The following RINT1 variants were observed in gnomAD, a reference collection of about 807,000 sequenced individuals.
The protein encoded by RINT1 is RAD50-interacting protein 1.
Under a neutral mutation model 97.7 loss-of-function variants are expected in RINT1, and 75 were observed. That is an observed-to-expected ratio of 0.77 (90% CI 0.64 to 0.93). RINT1 has a LOEUF of 0.93. RINT1 is among the 40% of genes least tolerant of loss of function. The pLI is 0.00. For synonymous variants in RINT1, 303 were observed against 326.3 expected (o/e 0.93, Z 0.77); for missense variants, 892 against 925.2 (o/e 0.96, Z 0.47).
intron 3 of RINT1, among the ~76,000 whole-genome samples, chr7:105,537,352 A>C (rs968226824): frequency 2.0e-5 from 3 of 150,984 alleles, no homozygotes; most frequent in Admixed American, 2.0e-4. Context: ...CTGGTCTTGA[A>C]CTCCTGACCG....
intron 11 of RINT1, among the ~76,000 whole-genome samples, chr7:105,562,716 G>A (rs891549176): frequency 6.6e-6 from 1 of 151,970 alleles, no homozygotes; most frequent in Non-Finnish European, 1.5e-5. Context: ...GACCAACATG[G>A]TGAAACACCA....
chr7:105,538,117 C>T (rs367762296), intron 3 of RINT1, among the ~76,000 whole-genome samples: 4 of 151,674 alleles, frequency 2.6e-5, no homozygotes, highest in Non-Finnish European at 4.4e-5. Flanking sequence ...CTCAGCCTCC[C>T]GAGTAGCTGG....
chr7:105,567,491 C>G lies in RINT1; in HGVS notation c.*180C>G, dbSNP rs780535491. 2 of 701,496 alleles carry G rather than the reference C, an allele frequency of 2.9e-6. No homozygotes were observed. The highest frequency in any genetic ancestry group is 3.0e-5 in the South Asian group (2 of 66,364). 43.5% of individuals were successfully genotyped at this position (701,496 alleles called of 1,614,324 possible). A position where few individuals can be genotyped will look rare whatever the true frequency, so the allele number is the denominator to read the frequency against. ...CCATATTTCCTTCATCCTCTTGTTCCTAAGGAAACAAAAACAGAAAACGAA... is the reference window on the plus strand; with the variant it reads ...CCATATTTCCTTCATCCTCTTGTTCGTAAGGAAACAAAAACAGAAAACGAA... On this transcript the variant is annotated 3_prime_UTR_variant, in exon 15 of 15. Coordinates refer to ENST00000257700, the MANE Select transcript of RINT1 (RefSeq NM_021930.6).
chr7:105,546,835 A>G (rs1790685868), intron 4 of RINT1, 75 bp from the exon 5 acceptor site: 23 of 1,058,328 alleles, frequency 2.2e-5, no homozygotes, highest in Non-Finnish European at 2.7e-5. Flanking sequence ...AAATCATGCC[A>G]CTGCACTCCA....
intron 11 of RINT1, among the ~76,000 whole-genome samples, chr7:105,561,247 G>A (rs571179755): frequency 2.0e-5 from 3 of 152,000 alleles, no homozygotes; most frequent in East Asian, 3.9e-4. Context: ...TTAGAACAAC[G>A]CCAGGCATGG....
intron 2 of RINT1, among the ~76,000 whole-genome samples, chr7:105,533,584 T>C (rs1463177168): frequency 6.6e-6 from 1 of 152,186 alleles, no homozygotes; most frequent in South Asian, 2.1e-4. Context: ...CAGTTGGGAA[T>C]GTGTAGCAGT....
chr7:105,553,794 C>T (rs1272683799), intron 10 of RINT1, among the ~76,000 whole-genome samples: 1 of 149,666 alleles, frequency 6.7e-6, no homozygotes, highest in African/African-American at 2.5e-5. Flanking sequence ...AATCTCGGCT[C>T]ACTGCAAGCT....
At chr7:105,543,345 TA>T (rs1241275569) in intron 4 of RINT1, among the ~76,000 whole-genome samples, 17 of 152,192 alleles carry the variant, frequency 1.1e-4, no homozygotes, top group Non-Finnish European at 2.4e-4. Flanking sequence ...ATAATTTGAA[TA>T]TTTTTCAGTG....
chr7:105,539,285 C>T (rs527742924), intron 3 of RINT1, among the ~76,000 whole-genome samples: 1 of 152,172 alleles, frequency 6.6e-6, no homozygotes, highest in Non-Finnish European at 1.5e-5. Flanking sequence ...ATCCTCTCAT[C>T]CTCTATCCCA....
intron 11 of RINT1, among the ~76,000 whole-genome samples, chr7:105,560,703 G>A (rs1047881570): frequency 1.3e-5 from 2 of 152,036 alleles, no homozygotes; most frequent in East Asian, 3.9e-4. Flanking sequence ...CCATTTCAAG[G>A]GTAGCCAAAT....
chr7:105,546,701 CTG>C (rs1308576407), intron 4 of RINT1, among the ~76,000 whole-genome samples: 1 of 152,090 alleles, frequency 6.6e-6, no homozygotes, highest in Non-Finnish European at 1.5e-5. Flanking sequence ...TGGTGAAACC[CTG>C]TCTCTACTAA....
chr7:105,550,132 A>G lies in RINT1; in HGVS notation c.1074A>G (p.Ile358Met). 1.2e-6 allele frequency: 2 copies of G among 1,613,820 alleles called. No individual in the cohort carries two copies. Among genetic ancestry groups the G allele is most frequent in the Non-Finnish European group, 1.7e-6 (2 of 1,179,748 alleles). Residue 358 changes from isoleucine to methionine, a missense_variant, in exon 8 of 15, where the codon ATA (isoleucine) becomes ATG (methionine). Transcript: ENST00000257700. ...TEFLDEKIQP[I>M]LDKVGSLVNA... ...TTCTGGATGAGAAGATTCAGCCAAT[A>G]TTAGACAAAGTAGGCTCTTTGGTAA...
chr7:105,535,402 G>A (rs1289753776), intron 2 of RINT1, among the ~76,000 whole-genome samples: 1 of 151,808 alleles, frequency 6.6e-6, no homozygotes, highest in East Asian at 1.9e-4. Flanking sequence ...GCTAATTTTT[G>A]TATTTTTAGT....
At chr7:105,563,993 G>C in intron 12 of RINT1, 46 bp downstream of exon 12, 1 of 1,400,696 alleles carries the variant, frequency 7.1e-7, no homozygotes, top group Non-Finnish European at 1.0e-6. Flanking sequence ...TTTGGTAAAA[G>C]TTAAAGAATA....
chr7:105,542,521 C>A lies in RINT1; in HGVS notation c.387C>A (p.Ser129Arg). The A allele has an allele frequency of 6.2e-7, 1 of 1,614,124 alleles. No homozygotes were observed. Among genetic ancestry groups the A allele is most frequent in the Non-Finnish European group, 8.5e-7 (1 of 1,180,020 alleles). The change falls in exon 4 of 15, where the codon AGC (serine) becomes AGA (arginine). Residue 129 changes from serine to arginine, a missense_variant. Ser to Arg is a moderately radical substitution (Grantham distance 110). Coordinates refer to ENST00000257700, the MANE Select transcript of RINT1 (RefSeq NM_021930.6). ...QFLEQETHLF[S>R]AINSHLLTAQ... ...TGGAGCAGGAAACTCATCTCTTCAG[C>A]GCCATTAACAGCCATTTGCTGACTG...
chr7:105,565,407 A>G lies in RINT1; in HGVS notation c.2017A>G (p.Ile673Val). Residue 673 changes from isoleucine (I) to valine (V), a missense_variant, in exon 13 of 15, where the codon ATT becomes GTT. Transcript: ENST00000257700. Reference protein sequence around the residue: ...EQQLCFSLFKIFWQMLVEKLD... With the variant: ...EQQLCFSLFKVFWQMLVEKLD... The stretch of plus-strand genomic sequence containing the variant: ...GCAGCTTTGTTTCTCCTTATTTAAA[A>G]TTTTCTGGCAAATGCTTGTAGAGAA... 6.2e-7 allele frequency: 1 copy of G among 1,614,162 alleles called. No homozygotes were observed.
chr7:105,561,630 C>T (rs1442560697), intron 11 of RINT1, among the ~76,000 whole-genome samples: 4 of 152,070 alleles, frequency 2.6e-5, no homozygotes, highest in Non-Finnish European at 4.4e-5. Context: ...GGCACGATCT[C>T]GGCTTACTGC....
chr7:105,549,250 G>T (rs542518811), intron 7 of RINT1, among the ~76,000 whole-genome samples: 1 of 152,266 alleles, frequency 6.6e-6, no homozygotes, highest in African/African-American at 2.4e-5. Flanking sequence ...GCCTCCCAAA[G>T]TGCTGGGATT....
In RINT1 at chr7:105,563,784, ACT is replaced by A. The variant is rs2133463883; in HGVS notation, c.1726_1727del (p.Leu576GlufsTer2). The A allele has an allele frequency of 6.2e-7, 1 of 1,614,132 alleles. No homozygotes were observed. The highest frequency in any genetic ancestry group is 8.5e-7 in the Non-Finnish European group (1 of 1,180,016). On this transcript the variant is annotated frameshift_variant, in exon 12 of 15. Coordinates refer to ENST00000257700, the MANE Select transcript of RINT1 (RefSeq NM_021930.6). LOFTEE classifies it high-confidence loss of function. ...AALEVFAENN[T>X]LSKLQLGQLA... is the part of the protein sequence containing the mutation. The stretch of plus-strand genomic sequence containing the variant: ...ACTGGAGGTGTTTGCAGAGAATAAT[ACT>A]CTGAGTAAATTGCAGCTAGGACAGC...
Sources: gnomAD v4.1 joint callset for allele counts (sites outside exome capture counted in the v4.1 genomes callset) on GRCh38, gnomAD v4.1.1 for gene constraint, MANE v1.5 for transcripts, NCBI Gene and HGNC (gene_info 2026-07-23, HGNC 2026-07-21) for gene names.